Variants in GON4L observed in about 807,000 individuals in gnomAD.
The protein encoded by GON4L is gon-4 like, also known as GON-4-like protein.
GON4L carries 87 observed loss-of-function variants against 211.8 expected under a neutral mutation model. The observed-to-expected ratio is 0.41, with a 90% CI of 0.35 to 0.49. The LOEUF (loss-of-function observed/expected upper bound fraction) is 0.49, where lower values mean the gene tolerates loss of function less well. Among genes scored for constraint, GON4L ranks in the 20% least tolerant of loss-of-function variants. The pLI, the probability that GON4L is intolerant of heterozygous loss-of-function variation, is 0.15. For missense variants in GON4L, 2,155 were observed against 2,659.5 expected, an observed-to-expected ratio of 0.81 and a Z score of 4.17; for synonymous variants, 875 against 962.6, an observed-to-expected ratio of 0.91 and a Z score of 1.68.
At chr1:155,748,991 C>T (rs1427642772), downstream of GON4L, among the ~76,000 whole-genome samples, 1 of 152,094 alleles carries the variant, frequency 6.6e-6, no homozygotes, top group Non-Finnish European at 1.5e-5. Flanking sequence ...TGGTGGCTGA[C>T]GCCTGTAATC....
chr1:155,793,284 T>G (rs1665778606), intron 12 of GON4L, among the ~76,000 whole-genome samples: 2 of 152,184 alleles, frequency 1.3e-5, no homozygotes, highest in Admixed American at 6.6e-5. Flanking sequence ...GAAATGGTAT[T>G]CTAATCTTAA....
rs957318249 is a variant in GON4L, at chr1:155,762,250, G to A, written c.4851C>T (p.Leu1617=). Residue 1617 remains leucine (L), a synonymous_variant, in exon 23 of 32, where the codon CTC becomes CTT. Coordinates refer to ENST00000368331, the MANE Select transcript of GON4L (RefSeq NM_001282860.2). ...KLLLLYDEDI[L]ERDPLREQKD... ...TCTGCTCCCTGAGTGGATCTCGCTC[G>A]AGAATGTCCTCATCATACAGCAACA... 9 of 1,612,554 alleles carry A rather than the reference G, an allele frequency of 5.6e-6. No individual in the cohort carries two copies. The highest frequency in any genetic ancestry group is 4.5e-5 in the East Asian group (2 of 44,856).
chr1:155,840,298 T>C lies in GON4L; in HGVS notation c.505+12978A>G, dbSNP rs1670657459. On this transcript the variant is annotated intron_variant, in intron 2 of 31. Transcript: ENST00000368331. ...CAAGATTAGTTAAGTGGGCTTCCCATAAGGAGAGACAATTACACTGCAGAG... is the reference window on the plus strand; with the variant it reads ...CAAGATTAGTTAAGTGGGCTTCCCACAAGGAGAGACAATTACACTGCAGAG... Among the ~76,000 whole-genome samples the C allele has an allele frequency of 2.0e-5, 3 of 152,234 alleles. No individual in the cohort carries two copies. In the South Asian group the frequency reaches 6.2e-4, roughly 32 times the overall value.
chr1:155,842,664 T>G (rs1263288229), intron 2 of GON4L, among the ~76,000 whole-genome samples: 1 of 151,306 alleles, frequency 6.6e-6, no homozygotes, highest in African/African-American at 2.4e-5. Flanking sequence ...GGTGAAACCC[T>G]GTGTCTAGTA....
Position 155,757,228 on chromosome 1 carries a change from C to G in GON4L, c.5349G>C (p.Arg1783=). The G allele has an allele frequency of 6.2e-7, 1 of 1,613,958 alleles. No individual in the cohort carries two copies. Among genetic ancestry groups the G allele is most frequent in the Non-Finnish European group, 8.5e-7 (1 of 1,179,872 alleles). ...AATTGATCTCTTCAAAGTCACCCAT[C>G]CGGCTAGCTGCTGGGCGCAAGTGGT... ...FFDHLRPAAS[R]MGDFEEINWT... The change falls in exon 26 of 32, where the codon CGG becomes CGC. Residue 1783 remains arginine (R), a synonymous_variant. Transcript: ENST00000368331.
chr1:155,849,001 A>G (rs1193779489), intron 2 of GON4L, among the ~76,000 whole-genome samples: 2 of 151,820 alleles, frequency 1.3e-5, no homozygotes, highest in African/African-American at 4.8e-5. Flanking sequence ...ACAAAAAATT[A>G]GCTAGGCCTG....
intron 19 of GON4L, among the ~76,000 whole-genome samples, chr1:155,770,177 A>G (rs189148565): frequency 6.6e-6 from 1 of 152,104 alleles, no homozygotes; most frequent in Admixed American, 6.6e-5. Flanking sequence ...GTACCACTGT[A>G]CTCCAGCCTG....
At chr1:155,762,432 T>G (rs557020499) in intron 22 of GON4L, 58 bp from the exon 23 acceptor site, 467 of 1,385,032 alleles carry the variant, frequency 3.4e-4, no homozygotes, top group Non-Finnish European at 4.5e-4. Flanking sequence ...GTTCTTCCCA[T>G]TCCACCACAT....
chr1:155,754,533 T>TG, intron 27 of GON4L, 45 bp from the exon 28 acceptor site: 2 of 1,179,120 alleles, frequency 1.7e-6, no homozygotes, highest in Admixed American at 2.1e-5. Flanking sequence ...TGTTTTTTTT[T>TG]TTTTTTTTTT....
At chr1:155,836,248 C>T (rs12093098) in intron 2 of GON4L, among the ~76,000 whole-genome samples, 41 of 84,826 alleles carry the variant, frequency 4.8e-4, no homozygotes, top group Middle Eastern at 8.9e-3. Flanking sequence ...GTTTTGTTTT[C>T]GTTTTTTTTT....
At chr1:155,747,960 GT>G (rs757837081), downstream of GON4L, 15 of 1,572,408 alleles carry the variant, frequency 9.5e-6, no homozygotes, top group East Asian at 2.5e-4. Context: ...ATGCAAACTG[GT>G]TTTTTTCTTT....
chr1:155,746,902 C>G (rs773456850), downstream of GON4L: 24 of 1,596,762 alleles, frequency 1.5e-5, no homozygotes, highest in Non-Finnish European at 2.0e-5. Flanking sequence ...CTTTTTAACC[C>G]GGTGCCACAA....
chr1:155,753,987 C>T lies in GON4L; in HGVS notation c.5631+388G>A, dbSNP rs774517443. The T allele has an allele frequency of 6.5e-5, 21 of 321,630 alleles. No individual in the cohort carries two copies. In the Middle Eastern group the frequency reaches 3.4e-3, roughly 52 times the overall value. 19.9% of individuals were successfully genotyped at this position (321,630 alleles called of 1,614,324 possible). ...CTGCTCCAAGGATTTTAAATGGCCCCGAATAGAGTATTGGATTCCACAACT... is the reference window on the plus strand; with the variant it reads ...CTGCTCCAAGGATTTTAAATGGCCCTGAATAGAGTATTGGATTCCACAACT... On this transcript the variant is annotated intron_variant, in intron 28 of 31. Coordinates refer to ENST00000368331, the MANE Select transcript of GON4L (RefSeq NM_001282860.2).
In GON4L at chr1:155,853,281, T is replaced by C; in HGVS notation, c.500A>G (p.Glu167Gly). ...AGAGACCTTGTATACCTTACCTCCT[T>C]CTTCCTTGACTTCTTCACTAGGCTC... is the stretch of plus-strand genomic sequence containing the variant. Reference protein sequence around the residue: ...SGEPSEEVKEEGGKPQMNSEG... With the variant: ...SGEPSEEVKEGGGKPQMNSEG... The change falls in exon 2 of 32, where the codon GAA becomes GGA. Residue 167 changes from glutamate (E) to glycine (G), a missense_variant. Glu to Gly is a moderately conservative substitution (Grantham distance 98). Around this residue, in one of 6 missense-constraint regions of GON4L, gnomAD observed 313 missense variants for 293.2 expected, o/e 1.07. Coordinates refer to ENST00000368331, the MANE Select transcript of GON4L (RefSeq NM_001282860.2). 6.2e-7 allele frequency: 1 copy of C among 1,613,576 alleles called. No homozygotes were observed. Among genetic ancestry groups the C allele is most frequent in the Admixed American group, 1.7e-5 (1 of 60,016 alleles).
rs772704375 is a variant in GON4L, at chr1:155,795,521, T to C, written c.1646-370A>G. On this transcript the variant is annotated intron_variant, in intron 11 of 31. Transcript: ENST00000368331. ...AGAATGACTATATAATTATAATTTC[T>C]TAGTATAAAATAGTACAGGTTGAGC... 2.0e-5 allele frequency among the ~76,000 whole-genome samples: 3 copies of C among 152,242 alleles called. No individual in the cohort carries two copies. The East Asian group carries it at 5.8e-4, about 29-fold the overall frequency.
intron 13 of GON4L, chr1:155,785,074 T>C (rs1238665976): frequency 1.9e-6 from 1 of 513,486 alleles, no homozygotes; most frequent in African/African-American, 1.9e-5. Flanking sequence ...CACTCTGGCT[T>C]GGGTGATGGA....
intron 2 of GON4L, chr1:155,845,713 C>T: frequency 3.3e-6 from 1 of 300,970 alleles, no homozygotes; most frequent in Non-Finnish European, 6.7e-6. Context: ...TGAAAAGATA[C>T]TGCCGTAACT....
At chr1:155,745,433 G>A (rs1486519492), downstream of GON4L, among the ~76,000 whole-genome samples, 2 of 152,256 alleles carry the variant, frequency 1.3e-5, no homozygotes, top group Non-Finnish European at 2.9e-5. Flanking sequence ...ATTCTGGCAA[G>A]GTTTCATTTT....
At chr1:155,795,311 C>T (rs1231953336) in intron 11 of GON4L, among the ~76,000 whole-genome samples, 160 bp from the exon 12 acceptor site, 8 of 151,488 alleles carry the variant, frequency 5.3e-5, no homozygotes, top group Non-Finnish European at 1.5e-5. Context: ...ACTGCAACCT[C>T]CACCTCCCGG....
Sources: allele counts gnomAD v4.1 joint callset (sites outside exome capture counted in the v4.1 genomes callset), GRCh38; gene constraint gnomAD v4.1.1; regional missense constraint gnomAD v4.1.1; transcripts MANE v1.5; gene names NCBI Gene and HGNC (gene_info 2026-07-23, HGNC 2026-07-21).